Variants in CACNA2D3 observed in about 807,000 individuals in gnomAD.
CACNA2D3 encodes voltage-dependent calcium channel subunit alpha-2/delta-3.
A neutral mutation model predicts 160.6 loss-of-function variants in CACNA2D3; 60 were observed. That is an observed-to-expected ratio of 0.37 (90% confidence interval 0.30 to 0.46). The LOEUF is 0.46. Among genes scored for constraint, CACNA2D3 ranks in the 20% least tolerant of loss-of-function variants. The probability of loss-of-function intolerance (pLI) is 1.00; values close to 1 mark genes in which losing one functional copy is unlikely to be tolerated. For missense variants in CACNA2D3, 1,205 were observed against 1,365.0 expected, an observed-to-expected ratio of 0.88 and a Z score of 1.85; for synonymous variants, 558 against 492.9, an observed-to-expected ratio of 1.13 and a Z score of -1.75.
chr3:54,321,389 C>T (rs563074106), intron 3 of CACNA2D3, among the ~76,000 whole-genome samples: 2 of 152,152 alleles, frequency 1.3e-5, no homozygotes, highest in East Asian at 3.9e-4. Context: ...TCTAGTGATC[C>T]TCCCACCTCA....
At chr3:54,932,762 C>G (rs961829145) in intron 27 of CACNA2D3, among the ~76,000 whole-genome samples, 1 of 152,212 alleles carries the variant, frequency 6.6e-6, no homozygotes, top group South Asian at 2.1e-4. Context: ...GCTCCTCCAT[C>G]CCTGTCAACA....
chr3:54,134,128 C>T (rs774811171), intron 2 of CACNA2D3, among the ~76,000 whole-genome samples: 2 of 152,168 alleles, frequency 1.3e-5, no homozygotes, highest in Non-Finnish European at 2.9e-5. Context: ...TCTGTACAAT[C>T]GACAGCTAGC....
chr3:55,022,717 T>C (rs1236154319), intron 35 of CACNA2D3, among the ~76,000 whole-genome samples: 4 of 150,376 alleles, frequency 2.7e-5, no homozygotes, highest in Non-Finnish European at 5.9e-5. Flanking sequence ...TTCCTTTTTT[T>C]TTTTCCATAC....
rs938463434 is a variant in CACNA2D3, at chr3:54,599,841, A to C, written c.963+17964A>C. On this transcript the variant is annotated intron_variant, in intron 9 of 37. Coordinates refer to ENST00000474759, the MANE Select transcript of CACNA2D3 (RefSeq NM_018398.3). ...TGCTCGTTCCTTAGGTCTGGGTCTCAGTGCCAGGACATCTGAGCCTGCCAG... is the reference window on the plus strand; with the variant it reads ...TGCTCGTTCCTTAGGTCTGGGTCTCCGTGCCAGGACATCTGAGCCTGCCAG... 2.0e-5 allele frequency among the ~76,000 whole-genome samples: 3 copies of C among 152,304 alleles called. No individual in the cohort carries two copies. The East Asian group carries it at 5.8e-4, about 29-fold the overall frequency.
intron 13 of CACNA2D3, among the ~76,000 whole-genome samples, chr3:54,769,255 T>C (rs577598362): frequency 6.6e-6 from 1 of 152,182 alleles, no homozygotes; most frequent in African/African-American, 2.4e-5. Flanking sequence ...ATGACTGTCC[T>C]GACACATCCA....
At chr3:54,196,988 A>G (rs985602441) in intron 2 of CACNA2D3, among the ~76,000 whole-genome samples, 1 of 152,190 alleles carries the variant, frequency 6.6e-6, no homozygotes, top group Non-Finnish European at 1.5e-5. Flanking sequence ...GTTTATATAA[A>G]AGCTATAATA....
chr3:54,948,138 A>C (rs1006565050), intron 27 of CACNA2D3, among the ~76,000 whole-genome samples: 1 of 152,146 alleles, frequency 6.6e-6, no homozygotes, highest in African/African-American at 2.4e-5. Context: ...TTACAATGAC[A>C]TTCTATTTCT....
intron 4 of CACNA2D3, among the ~76,000 whole-genome samples, chr3:54,460,417 T>A (rs1293100489): frequency 6.6e-6 from 1 of 152,210 alleles, no homozygotes; most frequent in East Asian, 1.9e-4. Flanking sequence ...GCATGGAATG[T>A]TCTTCCATTT....
intron 35 of CACNA2D3, among the ~76,000 whole-genome samples, chr3:55,069,662 A>G (rs1320481625): frequency 1.3e-5 from 2 of 152,186 alleles, no homozygotes; most frequent in Non-Finnish European, 2.9e-5. Context: ...GAACACAGCA[A>G]TATCTGTTCT....
chr3:54,825,955 C>T (rs1252534227), intron 14 of CACNA2D3, among the ~76,000 whole-genome samples: 2 of 152,088 alleles, frequency 1.3e-5, no homozygotes, highest in South Asian at 2.1e-4. Flanking sequence ...AACACACATA[C>T]CATATGTGCA....
rs975058566 is a variant in CACNA2D3 at position 54,730,058 on chromosome 3, T to C, written c.1168-22541T>C. ...GGAGGCCTTTTTATTTTCATTTAATTTTATTATTCTTTTACCAAATATGTA... is the reference window on the plus strand; with the variant it reads ...GGAGGCCTTTTTATTTTCATTTAATCTTATTATTCTTTTACCAAATATGTA... On this transcript the variant is annotated intron_variant, in intron 11 of 37. Coordinates refer to ENST00000474759, the MANE Select transcript of CACNA2D3 (RefSeq NM_018398.3). 2.0e-5 allele frequency among the ~76,000 whole-genome samples: 3 copies of C among 152,016 alleles called. No individual in the cohort carries two copies. In the South Asian group the frequency reaches 6.2e-4, roughly 32 times the overall value.
chr3:54,895,407 A>T (rs1403013441), intron 25 of CACNA2D3, among the ~76,000 whole-genome samples: 1 of 152,150 alleles, frequency 6.6e-6, no homozygotes, highest in African/African-American at 2.4e-5. Flanking sequence ...TTCCAGAGCT[A>T]TCTAAGAACC....
intron 35 of CACNA2D3, among the ~76,000 whole-genome samples, chr3:55,031,688 T>G (rs540489107): frequency 6.6e-6 from 1 of 152,270 alleles, no homozygotes; most frequent in East Asian, 1.9e-4. Context: ...AATTTCCGTA[T>G]GTTGTTCGTG....
intron 5 of CACNA2D3, among the ~76,000 whole-genome samples, chr3:54,510,282 T>C (rs1167728973): frequency 6.6e-6 from 1 of 151,988 alleles, no homozygotes; most frequent in African/African-American, 2.4e-5. Flanking sequence ...GATGGATGGA[T>C]GGATGAGTGG....
intron 4 of CACNA2D3, among the ~76,000 whole-genome samples, chr3:54,447,783 T>C (rs569098896): frequency 6.6e-6 from 1 of 152,210 alleles, no homozygotes; most frequent in Non-Finnish European, 1.5e-5. Flanking sequence ...TCTTGACGTG[T>C]ATTGCTGTGA....
At chr3:54,420,593 T>G (rs556657061) in intron 4 of CACNA2D3, among the ~76,000 whole-genome samples, 11 of 152,308 alleles carry the variant, frequency 7.2e-5, no homozygotes, top group Admixed American at 5.2e-4. Context: ...TTGGCTCAGA[T>G]TCACAAGGTG....
intron 3 of CACNA2D3, among the ~76,000 whole-genome samples, chr3:54,376,379 C>T (rs1415910439): frequency 4.6e-5 from 7 of 152,192 alleles, no homozygotes; most frequent in East Asian, 1.9e-4. Context: ...CTATGCCCTT[C>T]GCTTTCATAG....
intron 11 of CACNA2D3, among the ~76,000 whole-genome samples, chr3:54,701,501 T>A (rs1700767449): frequency 2.0e-5 from 3 of 152,134 alleles, no homozygotes; most frequent in Admixed American, 2.0e-4. Flanking sequence ...CAAAAGGTCA[T>A]TTAAAAGTTT....
rs573076651 is a variant in CACNA2D3 at position 54,657,534 on chromosome 3, C to A, written c.1167+15293C>A. Among the ~76,000 whole-genome samples, 4 of 152,302 alleles carry A rather than the reference C, an allele frequency of 2.6e-5. No individual in the cohort carries two copies. In the East Asian group the frequency reaches 5.8e-4, roughly 22 times the overall value. The stretch of plus-strand genomic sequence containing the variant: ...CATTCAACAACAGCTCCCATGATCT[C>A]TCTCCCTGCCGGCCCCTAGTAGCCA... On this transcript the variant is annotated intron_variant, in intron 11 of 37. Coordinates refer to ENST00000474759, the MANE Select transcript of CACNA2D3 (RefSeq NM_018398.3).
Sources: gnomAD v4.1 joint callset for allele counts (sites outside exome capture counted in the v4.1 genomes callset) on GRCh38, gnomAD v4.1.1 for gene constraint, MANE v1.5 for transcripts, NCBI Gene and HGNC (gene_info 2026-07-23, HGNC 2026-07-21) for gene names.